Variants in GPC6 observed in about 807,000 individuals in gnomAD.
GPC6 encodes glypican-6.
A neutral mutation model predicts 55.2 loss-of-function variants in GPC6; 14 were observed. The observed-to-expected ratio is 0.25, with a 90% CI of 0.17 to 0.40. GPC6 has a LOEUF of 0.40. GPC6 is among the 10% of genes least tolerant of loss of function. The pLI is 1.00. For synonymous variants in GPC6, 278 were observed against 259.6 expected, an observed-to-expected ratio of 1.07 and a Z score of -0.68; for missense variants, 641 against 708.5, an observed-to-expected ratio of 0.90 and a Z score of 1.08.
intron 2 of GPC6, among the ~76,000 whole-genome samples, chr13:93,680,597 A>G (rs1368376242): frequency 1.3e-5 from 2 of 152,160 alleles, no homozygotes; most frequent in Non-Finnish European, 1.5e-5. Context: ...AGCCAAAGCT[A>G]TAGAACCAGA....
At chr13:93,617,506 A>C (rs1239000935) in intron 2 of GPC6, among the ~76,000 whole-genome samples, 1 of 152,134 alleles carries the variant, frequency 6.6e-6, no homozygotes, top group Non-Finnish European at 1.5e-5. Flanking sequence ...ACCCATCTGC[A>C]TGGTAGCTCA....
chr13:93,709,295 CT>C (rs1039947678), intron 2 of GPC6, among the ~76,000 whole-genome samples: 4 of 151,788 alleles, frequency 2.6e-5, no homozygotes, highest in Non-Finnish European at 5.9e-5. Context: ...CTTCCCAAGA[CT>C]TAATAACCTT....
intron 2 of GPC6, among the ~76,000 whole-genome samples, chr13:93,817,350 T>C (rs375508801): frequency 6.6e-6 from 1 of 151,788 alleles, no homozygotes; most frequent in Admixed American, 6.6e-5. Flanking sequence ...GATTTATCCT[T>C]CTTGTGAGAT....
upstream of GPC6, among the ~76,000 whole-genome samples, chr13:93,224,285 C>T (rs1215310916): frequency 6.6e-6 from 1 of 151,802 alleles, no homozygotes; most frequent in Non-Finnish European, 1.5e-5. Flanking sequence ...ACCTCTGCCT[C>T]CCAGGTTCAA....
intron 1 of GPC6, among the ~76,000 whole-genome samples, chr13:93,313,280 A>G (rs1784543991): frequency 9.8e-6 from 1 of 102,258 alleles, no homozygotes; most frequent in Admixed American, 1.1e-4. Flanking sequence ...GAAACTGTAG[A>G]AATGAGGTAA....
At chr13:94,382,610 C>A in intron 7 of GPC6, 60 bp downstream of exon 7, 2 of 1,604,500 alleles carry the variant, frequency 1.2e-6, no homozygotes, top group South Asian at 1.1e-5. Flanking sequence ...TTGGAAGACT[C>A]TCCTGGCACA....
intron 2 of GPC6, among the ~76,000 whole-genome samples, chr13:93,646,775 T>C (rs1354841972): frequency 6.6e-6 from 1 of 152,028 alleles, no homozygotes; most frequent in Non-Finnish European, 1.5e-5. Flanking sequence ...CAAGTTTAAC[T>C]GCATCCTTGG....
intron 4 of GPC6, among the ~76,000 whole-genome samples, chr13:94,064,487 A>G (rs1334693469): frequency 6.6e-6 from 1 of 152,086 alleles, no homozygotes; most frequent in Non-Finnish European, 1.5e-5. Context: ...GAGAAAGAAA[A>G]CCTGTATTGA....
At chr13:93,527,776 T>G (rs1881711714) in intron 1 of GPC6, among the ~76,000 whole-genome samples, 1 of 152,152 alleles carries the variant, frequency 6.6e-6, no homozygotes, top group African/African-American at 2.4e-5. Context: ...GCATCCATCT[T>G]AAATGATTAG....
intron 1 of GPC6, among the ~76,000 whole-genome samples, chr13:93,346,106 T>G (rs940935829): frequency 1.2e-4 from 19 of 152,194 alleles, no homozygotes; most frequent in African/African-American, 4.6e-4. Flanking sequence ...TGTTGCTAAG[T>G]AAATCACTGT....
intron 2 of GPC6, among the ~76,000 whole-genome samples, chr13:93,723,797 A>G (rs1287389466): frequency 1.3e-5 from 2 of 151,992 alleles, no homozygotes; most frequent in Non-Finnish European, 2.9e-5. Context: ...GGAATAGAAG[A>G]TTGTTGAATA....
At chr13:93,231,407 A>ATG (rs1387335007) in intron 1 of GPC6, among the ~76,000 whole-genome samples, 20 of 39,462 alleles carry the variant, frequency 5.1e-4, no homozygotes, top group African/African-American at 2.3e-3. Flanking sequence ...GTATATATAT[A>ATG]TATATATATA....
chr13:93,520,032 C>G (rs926935022), intron 1 of GPC6, among the ~76,000 whole-genome samples: 1 of 151,900 alleles, frequency 6.6e-6, no homozygotes, highest in African/African-American at 2.4e-5. Flanking sequence ...GTCAGCTGTT[C>G]ATTCATCATA....
At chr13:94,131,710 C>G (rs1053099811) in intron 4 of GPC6, among the ~76,000 whole-genome samples, 2 of 151,830 alleles carry the variant, frequency 1.3e-5, no homozygotes, top group African/African-American at 4.8e-5. Context: ...GGCTTCATCC[C>G]ATAATAATTA....
At chr13:93,724,304 C>T (rs757875503) in intron 2 of GPC6, among the ~76,000 whole-genome samples, 3 of 151,836 alleles carry the variant, frequency 2.0e-5, no homozygotes, top group Non-Finnish European at 4.4e-5. Flanking sequence ...CTTGATTCAT[C>T]ATTTAAACAA....
intron 4 of GPC6, among the ~76,000 whole-genome samples, chr13:94,111,181 T>C (rs1428854640): frequency 1.3e-5 from 2 of 152,066 alleles, no homozygotes; most frequent in Non-Finnish European, 2.9e-5. Context: ...TTATATTTTG[T>C]TTTTTCTCGT....
intron 1 of GPC6, among the ~76,000 whole-genome samples, chr13:93,295,271 G>A (rs1878449640): frequency 7.9e-6 from 1 of 126,774 alleles, no homozygotes; most frequent in Non-Finnish European, 1.6e-5. Flanking sequence ...AGCTGGGGTG[G>A]TACAGGGAGA....
intron 1 of GPC6, among the ~76,000 whole-genome samples, chr13:93,486,372 CAT>C (rs892916756): frequency 6.6e-6 from 1 of 152,142 alleles, no homozygotes; most frequent in African/African-American, 2.4e-5. Context: ...TTTTAAGAAA[CAT>C]AAATATTTTT....
At chr13:93,887,641 A>G (rs1287448281) in intron 3 of GPC6, among the ~76,000 whole-genome samples, 1 of 152,208 alleles carries the variant, frequency 6.6e-6, no homozygotes, top group Admixed American at 6.5e-5. Flanking sequence ...CTCTAAATAC[A>G]TCTTTCACTG....
Sources: gnomAD v4.1 joint callset for allele counts (sites outside exome capture counted in the v4.1 genomes callset) on GRCh38, gnomAD v4.1.1 for gene constraint, MANE v1.5 for transcripts, NCBI Gene and HGNC (gene_info 2026-07-23, HGNC 2026-07-21) for gene names.